NRG1: variants seen among roughly 807,000 people sequenced by gnomAD.
The protein encoded by NRG1 is pro-neuregulin-1, membrane-bound isoform.
NRG1 carries 18 observed loss-of-function variants against 63.8 expected under a neutral mutation model. That is an observed-to-expected ratio of 0.28 (90% confidence interval 0.19 to 0.42). The LOEUF (loss-of-function observed/expected upper bound fraction) is 0.42, where lower values mean the gene tolerates loss of function less well. Ranked by LOEUF, NRG1 falls within the 10% of genes least tolerant of loss-of-function variation. The probability of loss-of-function intolerance (pLI) is 1.00; values close to 1 mark genes in which losing one functional copy is unlikely to be tolerated. For synonymous variants in NRG1, 302 were observed against 301.3 expected (o/e 1.00, Z -0.02); for missense variants, 762 against 814.7 (o/e 0.94, Z 0.79).
At chr8:31,944,698 CG>C (rs1472712975) in intron 1 of NRG1, among the ~76,000 whole-genome samples, 6,258 of 152,218 alleles carry the variant, frequency 0.041, 454 homozygotes, top group African/African-American at 0.14. Context: ...TCATCCTTTC[CG>C]AAGAGAGCAA....
At chr8:31,655,262 C>A (rs2130906087) in intron 1 of NRG1, among the ~76,000 whole-genome samples, 1 of 152,262 alleles carries the variant, frequency 6.6e-6, no homozygotes, top group East Asian at 1.9e-4. Flanking sequence ...AGACATGCCC[C>A]TTTCTGAGCT....
intron 1 of NRG1, among the ~76,000 whole-genome samples, chr8:32,141,581 T>A: frequency 8.5e-6 from 1 of 117,562 alleles, no homozygotes; most frequent in African/African-American, 3.3e-5. Context: ...ATACATATCC[T>A]ATGTGTGTGG....
chr8:31,822,692 C>T (rs1372714639), intron 1 of NRG1, among the ~76,000 whole-genome samples: 1 of 152,116 alleles, frequency 6.6e-6, no homozygotes, highest in Non-Finnish European at 1.5e-5. Flanking sequence ...CAGATACAGA[C>T]TTAGGTTTTT....
At chr8:32,180,799 G>A (rs1841351462) in intron 1 of NRG1, among the ~76,000 whole-genome samples, 3 of 152,008 alleles carry the variant, frequency 2.0e-5, no homozygotes, top group Admixed American at 2.0e-4. Context: ...TTTTGACTGT[G>A]TGCTGCATTG....
At chr8:32,064,044 A>G (rs1473465161) in intron 1 of NRG1, among the ~76,000 whole-genome samples, 1 of 152,020 alleles carries the variant, frequency 6.6e-6, no homozygotes, top group Admixed American at 6.6e-5. Context: ...GCAATTGGGC[A>G]GTTTAAAACA....
chr8:32,582,884 C>T (rs1299489404), intron 1 of NRG1, among the ~76,000 whole-genome samples: 1 of 152,152 alleles, frequency 6.6e-6, no homozygotes, highest in East Asian at 1.9e-4. Flanking sequence ...TCAAAAAATG[C>T]TTTTGCTCTT....
At chr8:32,657,056 T>C (rs1018331831) in intron 5 of NRG1, among the ~76,000 whole-genome samples, 4 of 151,996 alleles carry the variant, frequency 2.6e-5, no homozygotes, top group South Asian at 2.1e-4. Context: ...GTAAAAATCT[T>C]CATAATTTAT....
chr8:31,965,707 G>A lies in NRG1; in HGVS notation c.37+326276G>A, dbSNP rs1486568630. Among the ~76,000 whole-genome samples the A allele has an allele frequency of 2.6e-5, 4 of 152,092 alleles. No homozygotes were observed. In the East Asian group the frequency reaches 5.8e-4, roughly 22 times the overall value. ...TTCTCTTTTCTCCACATCAACATCT[G>A]TTGTTTTTTGACTTTTTAATAATAG... On this transcript the variant is annotated intron_variant, in intron 1 of 10. Transcript: ENST00000519301.
chr8:32,126,616 A>G (rs1010122507), intron 1 of NRG1, among the ~76,000 whole-genome samples: 5 of 151,848 alleles, frequency 3.3e-5, no homozygotes, highest in African/African-American at 9.7e-5. Context: ...GGCTGTCTCT[A>G]TCCAAGTGGT....
In NRG1 at chr8:31,885,327, C is replaced by A. The variant is rs1232265092; in HGVS notation, c.37+245896C>A. Among the ~76,000 whole-genome samples, 3 of 151,862 alleles carry A rather than the reference C, an allele frequency of 2.0e-5. No homozygotes were observed. The South Asian group carries it at 6.2e-4, about 32-fold the overall frequency. ...GAGGACAGGAAAGCAGAAAAAAAATCTGAAGTGTAAGGAGATACAGTCAAG... is the reference window on the plus strand; with the variant it reads ...GAGGACAGGAAAGCAGAAAAAAAATATGAAGTGTAAGGAGATACAGTCAAG... On this transcript the variant is annotated intron_variant, in intron 1 of 10. Transcript: ENST00000519301.
At chr8:32,348,494 A>T (rs1232700108) in intron 1 of NRG1, among the ~76,000 whole-genome samples, 1 of 152,222 alleles carries the variant, frequency 6.6e-6, no homozygotes, top group Non-Finnish European at 1.5e-5. Context: ...TGCACTGTGC[A>T]TGATTTATTT....
At chr8:32,106,562 G>A (rs1005764044) in intron 1 of NRG1, among the ~76,000 whole-genome samples, 2 of 152,130 alleles carry the variant, frequency 1.3e-5, no homozygotes, top group Non-Finnish European at 2.9e-5. Context: ...TTCTTAATAT[G>A]ATGAGCTCAT....
intron 1 of NRG1, among the ~76,000 whole-genome samples, chr8:31,756,541 G>A (rs933742012): frequency 9.9e-5 from 15 of 152,102 alleles, no homozygotes; most frequent in Admixed American, 2.0e-4. Flanking sequence ...GTGGGAAAGG[G>A]TAGTAAACTC....
intron 1 of NRG1, among the ~76,000 whole-genome samples, chr8:31,917,842 G>A (rs957740892): frequency 1.4e-4 from 21 of 152,314 alleles, no homozygotes; most frequent in African/African-American, 5.1e-4. Context: ...CCATGAGCAT[G>A]GAATGTTCTT....
At chr8:32,470,332 C>T (rs1323783621) in intron 1 of NRG1, among the ~76,000 whole-genome samples, 1 of 151,914 alleles carries the variant, frequency 6.6e-6, no homozygotes, top group Non-Finnish European at 1.5e-5. Context: ...AGGCGCCCGC[C>T]ACCACACCCG....
chr8:31,675,464 G>C (rs1807592755), intron 1 of NRG1, among the ~76,000 whole-genome samples: 2 of 152,212 alleles, frequency 1.3e-5, no homozygotes, highest in South Asian at 4.1e-4. Context: ...GTCCACTTGA[G>C]TCTGTCTTTG....
chr8:31,922,042 T>A (rs1833964690), intron 1 of NRG1, among the ~76,000 whole-genome samples: 1 of 152,210 alleles, frequency 6.6e-6, no homozygotes, highest in African/African-American at 2.4e-5. Flanking sequence ...TGTTTTAGAA[T>A]ATTTCAACTG....
chr8:32,358,804 G>A (rs1806819035), intron 1 of NRG1, among the ~76,000 whole-genome samples: 1 of 152,068 alleles, frequency 6.6e-6, no homozygotes, highest in Non-Finnish European at 1.5e-5. Flanking sequence ...TCAGGAGAGG[G>A]CCAAAGACAG....
At chr8:31,997,372 C>A (rs1812179507) in intron 1 of NRG1, among the ~76,000 whole-genome samples, 1 of 151,870 alleles carries the variant, frequency 6.6e-6, no homozygotes, top group African/African-American at 2.4e-5. Context: ...GATTGCCTGG[C>A]ACAAATTTGT....
Sources: gnomAD v4.1 joint callset for allele counts (sites outside exome capture counted in the v4.1 genomes callset) on GRCh38, gnomAD v4.1.1 for gene constraint, MANE v1.5 for transcripts, NCBI Gene and HGNC (gene_info 2026-07-23, HGNC 2026-07-21) for gene names.